Variants in EIPR1 observed in about 807,000 individuals in gnomAD.
The protein encoded by EIPR1 is EARP and GARP complex-interacting protein 1.
In EIPR1, 25 loss-of-function variants were observed where a neutral mutation model predicts 48.1. That is an observed-to-expected ratio of 0.52 (90% CI 0.38 to 0.73). The LOEUF is 0.73. Ranked by LOEUF, EIPR1 falls within the 30% of genes least tolerant of loss-of-function variation. The pLI, the probability that EIPR1 is intolerant of heterozygous loss-of-function variation, is 0.00. For missense variants in EIPR1, 415 were observed against 506.2 expected, an observed-to-expected ratio of 0.82 and a Z score of 1.73; for synonymous variants, 204 against 201.9, an observed-to-expected ratio of 1.01 and a Z score of -0.09.
intron 1 of EIPR1, among the ~76,000 whole-genome samples, chr2:3,373,378 C>G (rs564664904): frequency 6.6e-6 from 1 of 152,174 alleles, no homozygotes; most frequent in Admixed American, 6.5e-5. Flanking sequence ...AAGTTCTGGC[C>G]AGGGCAATTA....
chr2:3,223,642 A>G (rs186694289), intron 4 of EIPR1, among the ~76,000 whole-genome samples: 2 of 152,320 alleles, frequency 1.3e-5, no homozygotes, highest in East Asian at 3.9e-4. Flanking sequence ...GCGCCCCACT[A>G]AAAAAGAGGC....
At chr2:3,330,267 T>C (rs1669845975) in intron 3 of EIPR1, among the ~76,000 whole-genome samples, 1 of 152,192 alleles carries the variant, frequency 6.6e-6, no homozygotes, top group Admixed American at 6.5e-5. Context: ...GGTGTAAAAG[T>C]CTGTGAAAAT....
intron 4 of EIPR1, among the ~76,000 whole-genome samples, chr2:3,217,848 C>G (rs1665689771): frequency 6.6e-6 from 1 of 152,176 alleles, no homozygotes; most frequent in African/African-American, 2.4e-5. Context: ...TGATACACCC[C>G]ACAGAGTGTG....
intron 1 of EIPR1, among the ~76,000 whole-genome samples, chr2:3,362,795 G>A (rs1558320773): frequency 6.6e-6 from 1 of 152,234 alleles, no homozygotes; most frequent in Non-Finnish European, 1.5e-5. Flanking sequence ...GCTGGAGGCA[G>A]GCTGGGGGAG....
At chr2:3,285,963 G>A (rs1382658399) in intron 3 of EIPR1, among the ~76,000 whole-genome samples, 1 of 152,200 alleles carries the variant, frequency 6.6e-6, no homozygotes, top group Non-Finnish European at 1.5e-5. Flanking sequence ...AGTCACCGAT[G>A]TCTCCGGGAC....
intron 4 of EIPR1, among the ~76,000 whole-genome samples, chr2:3,225,666 ACT>A (rs972529863): frequency 5.9e-5 from 9 of 151,972 alleles, no homozygotes; most frequent in African/African-American, 1.7e-4. Flanking sequence ...CTTAAGATGC[ACT>A]CTCTTAGCCA....
rs1664502478 is a variant in EIPR1, at chr2:3,189,032, G to A, written c.*302C>T. The A allele has an allele frequency of 1.5e-5, 4 of 263,638 alleles. No individual in the cohort carries two copies. Among genetic ancestry groups the A allele is most frequent in the Non-Finnish European group, 2.8e-5 (4 of 140,768 alleles). The allele number at this position is 263,638 out of a possible 1,614,324, so 16.3% of individuals were successfully genotyped here. A position where few individuals can be genotyped will look rare whatever the true frequency, so the allele number is the denominator to read the frequency against. On this transcript the variant is annotated 3_prime_UTR_variant, in exon 9 of 9. Coordinates refer to ENST00000382125, the MANE Select transcript of EIPR1 (RefSeq NM_003310.5). The surrounding 1 kb of genome is among the most constrained non-coding windows in gnomAD (Gnocchi z 4.6). ...AAGAGAAAGAAGAGTTACTATTGCA[G>A]GAACAGACATTTTTTTAAAAAGCGA...
chr2:3,228,951 T>A (rs1481319776), intron 4 of EIPR1, among the ~76,000 whole-genome samples: 2 of 152,238 alleles, frequency 1.3e-5, no homozygotes, highest in Non-Finnish European at 1.5e-5. Flanking sequence ...GTCTCAGGTA[T>A]GTCTTTATTA....
chr2:3,354,411 A>T lies in EIPR1; in HGVS notation c.126+139T>A, dbSNP rs148918182. The T allele has an allele frequency of 1.8e-4, 130 of 711,890 alleles. No homozygotes were observed. The East Asian group carries it at 3.5e-3, about 19-fold the overall frequency. The allele number at this position is 711,890 out of a possible 1,614,324, so 44.1% of individuals were successfully genotyped here. A position where few individuals can be genotyped will look rare whatever the true frequency, so the allele number is the denominator to read the frequency against. On this transcript the variant is annotated intron_variant, in intron 2 of 8. Transcript: ENST00000382125. Reference sequence around the variant, plus strand: ...ATAATATTCTTTGATTTGAAGATAGACTTAAATCCAAATGAAAGTTTTATT... The same window carrying T: ...ATAATATTCTTTGATTTGAAGATAGTCTTAAATCCAAATGAAAGTTTTATT...
At chr2:3,353,199 T>G (rs1400496934) in intron 2 of EIPR1, 1 of 470,794 alleles carries the variant, frequency 2.1e-6, no homozygotes, top group Non-Finnish European at 4.4e-6. Flanking sequence ...TAGGGTTCAG[T>G]ACTCACCAAG....
intron 4 of EIPR1, among the ~76,000 whole-genome samples, chr2:3,246,599 C>A (rs1194591288): frequency 6.6e-6 from 1 of 152,090 alleles, no homozygotes; most frequent in African/African-American, 2.4e-5. Context: ...AGATGGCACA[C>A]AGAGATCAGC....
At chr2:3,374,637 CA>C (rs1467804919) in intron 1 of EIPR1, among the ~76,000 whole-genome samples, 1 of 151,672 alleles carries the variant, frequency 6.6e-6, no homozygotes, top group African/African-American at 2.4e-5. Flanking sequence ...AAATGCTCAT[CA>C]TCACTGGCCA....
intron 4 of EIPR1, among the ~76,000 whole-genome samples, chr2:3,231,655 T>G (rs115403763): frequency 6.6e-6 from 1 of 152,226 alleles, no homozygotes; most frequent in Non-Finnish European, 1.5e-5. Context: ...CGTGGGTATA[T>G]TGAAGCATCC....
intron 1 of EIPR1, 48 bp downstream of exon 1, chr2:3,377,600 T>C (rs1385987721): frequency 1.9e-6 from 3 of 1,554,384 alleles, no homozygotes; most frequent in Admixed American, 1.9e-5. Flanking sequence ...CCGCGCATGC[T>C]ATCAACAGCC....
intron 5 of EIPR1, among the ~76,000 whole-genome samples, chr2:3,197,299 G>A (rs781104712): frequency 9.9e-5 from 15 of 152,160 alleles, no homozygotes; most frequent in Non-Finnish European, 1.5e-4. Context: ...TAATCAACTC[G>A]AACTTGAAGG....
At chr2:3,309,105 G>A (rs2103305953) in intron 3 of EIPR1, among the ~76,000 whole-genome samples, 1 of 152,324 alleles carries the variant, frequency 6.6e-6, no homozygotes, top group Middle Eastern at 3.4e-3. Context: ...CTCCTCGTGA[G>A]CTTCTTAAAC....
intron 7 of EIPR1, 136 bp downstream of exon 7, chr2:3,193,863 A>C (rs1664696648): frequency 1.1e-6 from 1 of 929,170 alleles, no homozygotes; most frequent in Non-Finnish European, 1.6e-6. Flanking sequence ...TTTCTTTAGG[A>C]AAAATAAAAC....
chr2:3,262,296 G>T (rs1023801339), intron 3 of EIPR1, among the ~76,000 whole-genome samples: 1 of 152,194 alleles, frequency 6.6e-6, no homozygotes, highest in Non-Finnish European at 1.5e-5. Flanking sequence ...TGGACCCACT[G>T]CATTCATGAC....
At chr2:3,249,404 A>T (rs1666938792) in intron 4 of EIPR1, among the ~76,000 whole-genome samples, 1 of 151,922 alleles carries the variant, frequency 6.6e-6, no homozygotes, top group Non-Finnish European at 1.5e-5. Context: ...GACATTTCTC[A>T]GAAGCAACGT....
Sources: allele counts gnomAD v4.1 joint callset (sites outside exome capture counted in the v4.1 genomes callset), GRCh38; gene constraint gnomAD v4.1.1; non-coding constraint Gnocchi (gnomAD v3.1); transcripts MANE v1.5; gene names NCBI Gene and HGNC (gene_info 2026-07-23, HGNC 2026-07-21).